The following TTC27 variants were observed in gnomAD, a reference collection of about 807,000 sequenced individuals.
The protein encoded by TTC27 is tetratricopeptide repeat protein 27.
Under a neutral mutation model 115.9 loss-of-function variants are expected in TTC27, and 79 were observed. That is an observed-to-expected ratio of 0.68 (90% confidence interval 0.57 to 0.82). The LOEUF is 0.82. Ranked by LOEUF, TTC27 falls within the 40% of genes least tolerant of loss-of-function variation. The pLI, the probability that TTC27 is intolerant of heterozygous loss-of-function variation, is 0.00. For missense variants in TTC27, 1,054 were observed against 993.1 expected (o/e 1.06, Z -0.82); for synonymous variants, 401 against 356.0 (o/e 1.13, Z -1.42).
In TTC27 at chr2:32,748,848, C is replaced by T. The variant is rs147607585; in HGVS notation, c.1453-9444C>T. ...GATTACAGGTTTACGCCACCATGCC[C>T]GGCTAATTTTTGTATTTTTAGTAGA... On this transcript the variant is annotated intron_variant, in intron 12 of 19. Coordinates refer to ENST00000317907, the MANE Select transcript of TTC27 (RefSeq NM_017735.5). Among the ~76,000 whole-genome samples the T allele has an allele frequency of 4.9e-4, 74 of 151,890 alleles. 1 individual carries two copies. Among genetic ancestry groups the T allele is most frequent in the Admixed American group, 3.3e-4 (5 of 15,260 alleles).
At chr2:32,730,286 A>T (rs1167175134) in intron 10 of TTC27, among the ~76,000 whole-genome samples, 2 of 152,218 alleles carry the variant, frequency 1.3e-5, no homozygotes, top group African/African-American at 4.8e-5. Flanking sequence ...TTGAAAACAC[A>T]AGTATTGTTC....
intron 15 of TTC27, among the ~76,000 whole-genome samples, chr2:32,785,563 A>G (rs145966450): frequency 1.3e-5 from 2 of 152,124 alleles, no homozygotes; most frequent in East Asian, 3.9e-4. Flanking sequence ...GACTATGTGC[A>G]TTCTAGTTTT....
chr2:32,672,429 G>T, intron 8 of TTC27, 45 bp downstream of exon 8: 1 of 1,395,764 alleles, frequency 7.2e-7, no homozygotes, highest in South Asian at 1.2e-5. Context: ...TTTGCATATT[G>T]ATTCTCTTAT....
intron 10 of TTC27, among the ~76,000 whole-genome samples, chr2:32,722,081 T>G (rs1184165811): frequency 6.6e-6 from 1 of 152,166 alleles, no homozygotes; most frequent in African/African-American, 2.4e-5. Flanking sequence ...GAAGTTTAGG[T>G]ACAAGAATAA....
chr2:32,787,977 T>G (rs1479842186), intron 16 of TTC27, among the ~76,000 whole-genome samples: 1 of 152,170 alleles, frequency 6.6e-6, no homozygotes, highest in South Asian at 2.1e-4. Flanking sequence ...AATTTTCCAT[T>G]GAGATAGTTC....
chr2:32,717,544 G>A (rs1048049488), intron 10 of TTC27, among the ~76,000 whole-genome samples: 1 of 151,554 alleles, frequency 6.6e-6, no homozygotes, highest in Non-Finnish European at 1.5e-5. Flanking sequence ...TATCTTTCTT[G>A]TTTCCTTTTT....
chr2:32,648,150 G>A (rs1245451755), intron 4 of TTC27, among the ~76,000 whole-genome samples: 4 of 151,168 alleles, frequency 2.6e-5, no homozygotes, highest in Non-Finnish European at 4.4e-5. Flanking sequence ...TTTTTGAGAC[G>A]GAGTTTCACT....
At chr2:32,723,340 G>T (rs561151697) in intron 10 of TTC27, among the ~76,000 whole-genome samples, 1 of 152,142 alleles carries the variant, frequency 6.6e-6, no homozygotes, top group South Asian at 2.1e-4. Flanking sequence ...GGTGGGGGTG[G>T]TTAAAATATA....
chr2:32,637,521 C>T (rs935355185), intron 3 of TTC27, among the ~76,000 whole-genome samples: 26 of 151,932 alleles, frequency 1.7e-4, no homozygotes, highest in Admixed American at 1.2e-3. Context: ...TTAATAGAGA[C>T]GGGGTTTCAC....
chr2:32,788,272 C>T (rs17038503), intron 16 of TTC27, among the ~76,000 whole-genome samples: 18,003 of 152,052 alleles, frequency 0.12, 1,219 homozygotes, highest in Middle Eastern at 0.24. Flanking sequence ...TCCAACACTC[C>T]TCATTTAGAC....
chr2:32,706,143 C>T (rs1667360974), intron 10 of TTC27, among the ~76,000 whole-genome samples: 1 of 118,776 alleles, frequency 8.4e-6, no homozygotes, highest in Non-Finnish European at 1.6e-5. Context: ...AGTGCTATGA[C>T]ATGATCTCGG....
intron 10 of TTC27, among the ~76,000 whole-genome samples, chr2:32,725,324 C>G (rs1207943527): frequency 6.6e-6 from 1 of 152,090 alleles, no homozygotes; most frequent in African/African-American, 2.4e-5. Context: ...TGCCTATGAG[C>G]CTGTAAAATC....
chr2:32,766,499 T>G, intron 13 of TTC27: 1 of 457,114 alleles, frequency 2.2e-6, no homozygotes, highest in Non-Finnish European at 4.5e-6. Flanking sequence ...AGGGAGAAGA[T>G]AGGAGAGTAG....
chr2:32,706,245 G>C (rs1043470918), intron 10 of TTC27, among the ~76,000 whole-genome samples: 4 of 151,468 alleles, frequency 2.6e-5, no homozygotes, highest in Admixed American at 1.3e-4. Context: ...ACCATGCCTT[G>C]CTAATTTTTG....
At chr2:32,740,681 T>A (rs2151918416) in intron 12 of TTC27, among the ~76,000 whole-genome samples, 1 of 152,292 alleles carries the variant, frequency 6.6e-6, no homozygotes, top group East Asian at 1.9e-4. Flanking sequence ...AGAGATGGAG[T>A]TTCGCTCTTG....
intron 10 of TTC27, among the ~76,000 whole-genome samples, chr2:32,715,541 C>G (rs780202754): frequency 2.6e-5 from 4 of 152,046 alleles, no homozygotes; most frequent in African/African-American, 4.8e-5. Context: ...GTTCTCGATA[C>G]TGTGTAGTTG....
intron 5 of TTC27, among the ~76,000 whole-genome samples, chr2:32,656,931 C>T (rs1002325760): frequency 6.6e-6 from 1 of 152,074 alleles, no homozygotes; most frequent in African/African-American, 2.4e-5. Context: ...CCTACCCTAC[C>T]CCATTTTTAG....
At chr2:32,729,172 A>T (rs1022181181) in intron 10 of TTC27, among the ~76,000 whole-genome samples, 4 of 152,226 alleles carry the variant, frequency 2.6e-5, no homozygotes, top group Non-Finnish European at 1.5e-5. Flanking sequence ...TTTCAGGAAA[A>T]GGGTAGGTCC....
rs1390466537 is a variant in TTC27, at chr2:32,811,097, A to G, written c.2072A>G (p.Lys691Arg). Residue 691 changes from lysine (K) to arginine (R), a missense_variant, in exon 17 of 20, where the codon AAA becomes AGA. By Grantham distance (26) the Lys-to-Arg change is conservative. Coordinates refer to ENST00000317907, the MANE Select transcript of TTC27 (RefSeq NM_017735.5). The part of the protein sequence containing the change: ...DRSGDVATGL[K>R]GKLQELFGRV... Reference sequence around the variant, plus strand: ...AGTGGAGATGTTGCAACTGGCCTCAAAGGAAAGCTGCAGGAGTTATTTGGC... The same window carrying G: ...AGTGGAGATGTTGCAACTGGCCTCAGAGGAAAGCTGCAGGAGTTATTTGGC... The G allele has an allele frequency of 3.1e-6, 5 of 1,614,082 alleles. No homozygotes were observed. The highest frequency in any genetic ancestry group is 2.2e-5 in the South Asian group (2 of 91,086).
Sources: gnomAD v4.1 joint callset for allele counts (sites outside exome capture counted in the v4.1 genomes callset) on GRCh38, gnomAD v4.1.1 for gene constraint, MANE v1.5 for transcripts, NCBI Gene and HGNC (gene_info 2026-07-23, HGNC 2026-07-21) for gene names.